The following CLIC5 variants were observed in gnomAD, a reference collection of about 807,000 sequenced individuals.
CLIC5 encodes CLIC family member 5, also known as chloride intracellular channel protein 5.
A neutral mutation model predicts 24.7 loss-of-function variants in CLIC5; 20 were observed. The observed-to-expected ratio is 0.81, with a 90% confidence interval of 0.57 to 1.18. CLIC5 has a LOEUF of 1.18. Among genes scored for constraint, CLIC5 ranks in the 50% most tolerant of loss-of-function variants. The pLI is 0.00. For synonymous variants in CLIC5, 159 were observed against 135.6 expected, an observed-to-expected ratio of 1.17 and a Z score of -1.20; for missense variants, 341 against 326.1, an observed-to-expected ratio of 1.05 and a Z score of -0.35.
chr6:46,029,839 C>T (rs568686983), intron 1 of CLIC5, among the ~76,000 whole-genome samples: 2 of 152,288 alleles, frequency 1.3e-5, no homozygotes, highest in South Asian at 2.1e-4. Flanking sequence ...CGCTCCCATT[C>T]AACAGTAAAG....
intron 1 of CLIC5, among the ~76,000 whole-genome samples, chr6:46,030,984 T>G (rs1767482100): frequency 6.6e-6 from 1 of 152,228 alleles, no homozygotes; most frequent in Non-Finnish European, 1.5e-5. Flanking sequence ...CATCATGTTT[T>G]AAAAAGAAGA....
At chr6:45,926,551 C>T (rs575963308) in intron 4 of CLIC5, among the ~76,000 whole-genome samples, 3 of 152,150 alleles carry the variant, frequency 2.0e-5, no homozygotes, top group African/African-American at 4.8e-5. Flanking sequence ...CCACCGCGCC[C>T]GGCCAGAGAA....
downstream of CLIC5, among the ~76,000 whole-genome samples, chr6:45,898,106 G>A (rs1270209554): frequency 3.3e-5 from 5 of 151,558 alleles, no homozygotes; most frequent in East Asian, 1.9e-4. Context: ...TCGCTCTGTC[G>A]GTGTCACTCA....
intron 1 of CLIC5, among the ~76,000 whole-genome samples, chr6:46,051,385 G>T (rs2127465368): frequency 6.6e-6 from 1 of 152,310 alleles, no homozygotes; most frequent in Non-Finnish European, 1.5e-5. Context: ...CAAGTAAGTT[G>T]GTTCAAATGA....
At chr6:45,895,959 G>A (rs930526856), downstream of CLIC5, among the ~76,000 whole-genome samples, 2 of 152,134 alleles carry the variant, frequency 1.3e-5, no homozygotes, top group East Asian at 1.9e-4. Flanking sequence ...ACTTAAAGGA[G>A]GATTACATTG....
intron 6 of CLIC5, among the ~76,000 whole-genome samples, chr6:45,881,975 C>T (rs545174873): frequency 1.1e-3 from 15 of 13,332 alleles, no homozygotes; most frequent in African/African-American, 3.1e-3. Context: ...AAGAAGACTT[C>T]CTTTAAAAAA....
chr6:46,019,129 T>C (rs59238881), upstream of CLIC5, among the ~76,000 whole-genome samples: 20,414 of 145,794 alleles, frequency 0.14, 1,476 homozygotes, highest in African/African-American at 0.18. Context: ...TGACAAGAAA[T>C]ATTCAAATAA....
intron 4 of CLIC5, among the ~76,000 whole-genome samples, chr6:45,923,898 G>A (rs1254017203): frequency 4.6e-5 from 7 of 152,196 alleles, no homozygotes; most frequent in Non-Finnish European, 1.0e-4. Flanking sequence ...GCTTGGGCAG[G>A]TTGCTTAACC....
At chr6:45,992,502 G>A (rs1213940152) in intron 1 of CLIC5, among the ~76,000 whole-genome samples, 1 of 152,160 alleles carries the variant, frequency 6.6e-6, no homozygotes, top group Non-Finnish European at 1.5e-5. Flanking sequence ...ATTTTAGAAA[G>A]ACCACAGAAT....
At chr6:46,028,972 C>T (rs548284496) in intron 1 of CLIC5, among the ~76,000 whole-genome samples, 2 of 152,212 alleles carry the variant, frequency 1.3e-5, no homozygotes, top group South Asian at 4.1e-4. Context: ...CTATTCATTC[C>T]TCCCCCACCC....
chr6:45,927,641 C>A (rs1380005672), intron 4 of CLIC5, among the ~76,000 whole-genome samples: 3 of 152,166 alleles, frequency 2.0e-5, no homozygotes, highest in Admixed American at 1.3e-4. Context: ...ATTGAACAAG[C>A]TTTGCTAACT....
chr6:46,016,989 G>A (rs115614594), upstream of CLIC5, among the ~76,000 whole-genome samples: 2,432 of 152,240 alleles, frequency 0.016, 73 homozygotes, highest in African/African-American at 0.056. Context: ...ACTCTGTCAC[G>A]AACATTCTCT....
intron 4 of CLIC5, 21 bp from the exon 5 acceptor site, chr6:45,914,430 G>C: frequency 6.5e-7 from 1 of 1,542,718 alleles, no homozygotes; most frequent in Non-Finnish European, 8.8e-7. Context: ...AGAGTAAAAG[G>C]GCCTTTATTC....
chr6:46,100,918 G>A, the CLIC5 span, among the ~76,000 whole-genome samples: 1 of 152,098 alleles, frequency 6.6e-6, no homozygotes, highest in Admixed American at 6.5e-5. Context: ...GAAAAAATGG[G>A]GGCTCAGAGC....
chr6:46,043,674 C>A (rs926861118), intron 1 of CLIC5, among the ~76,000 whole-genome samples: 3 of 152,206 alleles, frequency 2.0e-5, no homozygotes, highest in Admixed American at 1.3e-4. Context: ...AGGCAACACA[C>A]ACACACAAAA....
intron 1 of CLIC5, among the ~76,000 whole-genome samples, chr6:45,994,751 G>A (rs1401373612): frequency 6.6e-6 from 1 of 152,178 alleles, no homozygotes; most frequent in Non-Finnish European, 1.5e-5. Context: ...CAGAGACAGA[G>A]GGTGCCCAGT....
At chr6:45,926,789 G>A (rs1167964329) in intron 4 of CLIC5, among the ~76,000 whole-genome samples, 8 of 152,170 alleles carry the variant, frequency 5.3e-5, no homozygotes, top group Non-Finnish European at 1.0e-4. Flanking sequence ...AGCGAAGCCC[G>A]CCAGCACACT....
intron 1 of CLIC5, among the ~76,000 whole-genome samples, chr6:46,057,348 C>T (rs1768287761): frequency 6.6e-6 from 1 of 152,208 alleles, no homozygotes; most frequent in African/African-American, 2.4e-5. Context: ...GCTTCTTCCT[C>T]ATTTTCTCTG....
intron 1 of CLIC5, among the ~76,000 whole-genome samples, chr6:46,051,379 T>C (rs10948273): frequency 0.14 from 21,230 of 152,248 alleles, 1,838 homozygotes; most frequent in East Asian, 0.27. Flanking sequence ...CTAAAACAAG[T>C]AAGTTGGTTC....
Sources: gnomAD v4.1 joint callset for allele counts (sites outside exome capture counted in the v4.1 genomes callset) on GRCh38, gnomAD v4.1.1 for gene constraint, MANE v1.5 for transcripts, NCBI Gene and HGNC (gene_info 2026-07-23, HGNC 2026-07-21) for gene names.